Variants in DACH2 observed in about 807,000 individuals in gnomAD.
DACH2 encodes the protein dachshund family transcription factor 2.
DACH2 carries 17 observed loss-of-function variants against 35.8 expected under a neutral mutation model. The observed-to-expected ratio is 0.48, with a 90% CI of 0.33 to 0.71. DACH2 has a LOEUF of 0.71. Ranked by LOEUF, DACH2 falls within the 30% of genes least tolerant of loss-of-function variation. DACH2 has a pLI of 0.02. For synonymous variants in DACH2, 195 were observed against 177.3 expected (o/e 1.10, Z -0.79); for missense variants, 469 against 472.7 (o/e 0.99, Z 0.07).
chrX:86,165,836 A>T (rs925377453), intron 1 of DACH2, among the ~76,000 whole-genome samples: 1 of 111,184 alleles, frequency 9.0e-6, no homozygotes, highest in Admixed American at 9.6e-5. Context: ...TTTTAACTGG[A>T]TGCAATCCCA....
chrX:86,158,796 T>C (rs949897732), intron 1 of DACH2, among the ~76,000 whole-genome samples: 52 of 111,695 alleles, frequency 4.7e-4, no homozygotes, highest in African/African-American at 1.6e-3. Flanking sequence ...TCCTTTCCTA[T>C]ATCTGCCTCA....
At chrX:86,799,882 A>G (rs779192404) in intron 7 of DACH2, among the ~76,000 whole-genome samples, 54 of 111,411 alleles carry the variant, frequency 4.8e-4, no homozygotes, top group African/African-American at 1.7e-3. Flanking sequence ...AGGGCCAACT[A>G]TATGCTCAGT....
intron 1 of DACH2, among the ~76,000 whole-genome samples, chrX:86,223,687 C>T (rs1447823253): frequency 8.9e-6 from 1 of 111,937 alleles, no homozygotes; most frequent in Non-Finnish European, 1.9e-5. Context: ...ATCATTAGCT[C>T]ATAGATCATC....
chrX:86,169,472 C>G (rs756807015), intron 1 of DACH2, among the ~76,000 whole-genome samples: 1 of 111,312 alleles, frequency 9.0e-6, no homozygotes, highest in South Asian at 3.8e-4. Flanking sequence ...TTTGAATAAA[C>G]TTTCTACACT....
chrX:86,274,094 A>G (rs1339043505), intron 1 of DACH2, among the ~76,000 whole-genome samples: 1 of 108,301 alleles, frequency 9.2e-6, no homozygotes, highest in Non-Finnish European at 1.9e-5. Flanking sequence ...CTGAGGCTGG[A>G]GTTCTAGTTC....
intron 1 of DACH2, among the ~76,000 whole-genome samples, chrX:86,179,833 A>C (rs977938524): frequency 3.6e-5 from 4 of 110,503 alleles, no homozygotes; most frequent in African/African-American, 1.3e-4. Context: ...CTTTAAAGAA[A>C]AGATTGCTTA....
At chrX:86,500,998 T>C (rs1217381740) in intron 2 of DACH2, among the ~76,000 whole-genome samples, 1 of 111,678 alleles carries the variant, frequency 9.0e-6, no homozygotes, top group Non-Finnish European at 1.9e-5. Flanking sequence ...ACACCATCAG[T>C]TTGATGTGTC....
chrX:86,206,667 T>C (rs942085555), intron 1 of DACH2, among the ~76,000 whole-genome samples: 1 of 112,280 alleles, frequency 8.9e-6, no homozygotes, highest in Admixed American at 9.4e-5. Context: ...CATTTAGCCT[T>C]GCTAAATCTC....
At chrX:86,801,455 G>A (rs1006095928) in intron 7 of DACH2, among the ~76,000 whole-genome samples, 1 of 111,649 alleles carries the variant, frequency 9.0e-6, no homozygotes, top group African/African-American at 3.3e-5. Context: ...GTGATTGTGG[G>A]TATGTGCACA....
chrX:86,162,906 T>A lies in DACH2; in HGVS notation c.488+13798T>A, dbSNP rs183478147. Among the ~76,000 whole-genome samples the A allele has an allele frequency of 3.8e-3, 421 of 111,128 alleles. 5 individuals are homozygous for A. Among genetic ancestry groups the A allele is most frequent in the African/African-American group, 0.013 (395 of 30,686 alleles). ...AAAAGTTTATTTTTAAGTTATTTTT[T>A]AAAATTTTTGTGGTTACATAGTAGA... On this transcript the variant is annotated intron_variant, in intron 1 of 11. Coordinates refer to ENST00000373125, the MANE Select transcript of DACH2 (RefSeq NM_053281.3).
Position 86,821,708 on chromosome X carries a change from C to T in DACH2, c.1750+5609C>T, listed in dbSNP as rs377757611. On this transcript the variant is annotated intron_variant, in intron 11 of 11. Coordinates refer to ENST00000373125, the MANE Select transcript of DACH2 (RefSeq NM_053281.3). Reference sequence around the variant, plus strand: ...GTTCAGGGCCTGGTTGTCAAGGATTCGCTTGCACCACACACATGCATTGTT... The same window carrying T: ...GTTCAGGGCCTGGTTGTCAAGGATTTGCTTGCACCACACACATGCATTGTT... Among the ~76,000 whole-genome samples, 143 of 110,957 alleles carry T rather than the reference C, an allele frequency of 1.3e-3. 2 individuals carry two copies. Among genetic ancestry groups the T allele is most frequent in the Middle Eastern group, 9.2e-3 (2 of 217 alleles).
chrX:86,315,550 T>A (rs1442761077), intron 1 of DACH2, among the ~76,000 whole-genome samples: 1 of 111,762 alleles, frequency 8.9e-6, no homozygotes, highest in Non-Finnish European at 1.9e-5. Context: ...AAAAAGCCCA[T>A]TGAACACCTT....
chrX:86,165,365 A>C (rs2030909192), intron 1 of DACH2, among the ~76,000 whole-genome samples: 1 of 111,611 alleles, frequency 9.0e-6, no homozygotes, highest in Non-Finnish European at 1.9e-5. Flanking sequence ...TTGCGGGATC[A>C]TACGGTAGCT....
In DACH2 at chrX:86,641,209, T is replaced by C. The variant is rs138060354; in HGVS notation, c.641-9827T>C. On this transcript the variant is annotated intron_variant, in intron 3 of 11. Coordinates refer to ENST00000373125, the MANE Select transcript of DACH2 (RefSeq NM_053281.3). ...AATCCCAGGACAATATGAATCACAA[T>C]AAAGTGATACAGGAGCTGAAGGACA... 1.9e-3 allele frequency among the ~76,000 whole-genome samples: 211 copies of C among 111,564 alleles called. 2 individuals carry two copies. In the East Asian group the frequency reaches 0.052, roughly 27 times the overall value.
chrX:86,726,514 T>A (rs2041471703), intron 6 of DACH2, among the ~76,000 whole-genome samples: 1 of 111,331 alleles, frequency 9.0e-6, no homozygotes, highest in Admixed American at 9.5e-5. Context: ...GAGCATTCAG[T>A]TTCCCAGATC....
intron 2 of DACH2, among the ~76,000 whole-genome samples, chrX:86,405,104 C>A (rs769231736): frequency 4.6e-4 from 51 of 111,436 alleles, no homozygotes; most frequent in Non-Finnish European, 7.4e-4. Flanking sequence ...ATTTTTCCCT[C>A]CTAGGTCTTG....
At chrX:86,355,746 C>T (rs112905129) in intron 1 of DACH2, among the ~76,000 whole-genome samples, 96 of 111,330 alleles carry the variant, frequency 8.6e-4, no homozygotes, top group African/African-American at 2.9e-3. Flanking sequence ...GATGGTATCT[C>T]ATTGTGGTTT....
chrX:86,512,442 A>G (rs2038409514), intron 2 of DACH2, among the ~76,000 whole-genome samples: 1 of 111,656 alleles, frequency 9.0e-6, no homozygotes, highest in Non-Finnish European at 1.9e-5. Context: ...GAACAGAACT[A>G]GTTAAACCTT....
chrX:86,694,090 G>A (rs1489820631), intron 4 of DACH2, among the ~76,000 whole-genome samples: 3 of 111,841 alleles, frequency 2.7e-5, no homozygotes, highest in Non-Finnish European at 3.8e-5. Flanking sequence ...TAAGTGGGAT[G>A]GTGTCAGCCA....
Sources: allele counts gnomAD v4.1 joint callset (sites outside exome capture counted in the v4.1 genomes callset), GRCh38; gene constraint gnomAD v4.1.1; transcripts MANE v1.5; gene names NCBI Gene and HGNC (gene_info 2026-07-23, HGNC 2026-07-21).